Variants in SPATA6 observed in about 807,000 individuals in gnomAD.
SPATA6 encodes the protein spermatogenesis associated 6.
Under a neutral mutation model 65.3 loss-of-function variants are expected in SPATA6, and 56 were observed. The observed-to-expected ratio is 0.86, with a 90% confidence interval of 0.69 to 1.07. The LOEUF is 1.07. Among genes scored for constraint, SPATA6 ranks in the 50% least tolerant of loss-of-function variants. The pLI is 0.00. For missense variants in SPATA6, 590 were observed against 594.8 expected, an observed-to-expected ratio of 0.99 and a Z score of 0.08; for synonymous variants, 199 against 213.2, an observed-to-expected ratio of 0.93 and a Z score of 0.58.
the SPATA6 span, among the ~76,000 whole-genome samples, chr1:48,283,001 C>T: frequency 6.6e-6 from 1 of 151,886 alleles, no homozygotes; most frequent in Non-Finnish European, 1.5e-5. Flanking sequence ...TCCTATGCAG[C>T]CATAAAAAAT....
intron 11 of SPATA6, chr1:48,325,425 T>A: frequency 7.6e-7 from 1 of 1,310,998 alleles, no homozygotes; most frequent in Non-Finnish European, 1.1e-6. Context: ...CAGCTTCTTC[T>A]TGACTGGGAC....
the SPATA6 span, among the ~76,000 whole-genome samples, chr1:48,280,406 A>G: frequency 6.6e-6 from 1 of 152,178 alleles, no homozygotes; most frequent in Non-Finnish European, 1.5e-5. Context: ...TGTTTTTTTG[A>G]GAGAATCAAC....
At chr1:48,325,536 T>A in intron 11 of SPATA6, 1 of 1,185,926 alleles carries the variant, frequency 8.4e-7, no homozygotes. Flanking sequence ...CCGGGAGTTC[T>A]TCCTCTTCCT....
chr1:48,321,946 A>G (rs1457111082), intron 11 of SPATA6, among the ~76,000 whole-genome samples: 1 of 152,180 alleles, frequency 6.6e-6, no homozygotes, highest in Non-Finnish European at 1.5e-5. Context: ...GAAAATTTTA[A>G]AATTTCTTAA....
intron 9 of SPATA6, among the ~76,000 whole-genome samples, chr1:48,361,201 G>T (rs537103998): frequency 1.7e-4 from 26 of 152,180 alleles, no homozygotes; most frequent in African/African-American, 6.3e-4. Flanking sequence ...TGAAGAATTA[G>T]CCCTGGGAAT....
the SPATA6 span, among the ~76,000 whole-genome samples, chr1:48,273,606 C>T: frequency 7.9e-5 from 12 of 152,110 alleles, no homozygotes; most frequent in Admixed American, 7.2e-4. Flanking sequence ...GTTTTCTGTT[C>T]CTGTGTTAGT....
chr1:48,273,105 T>G, the SPATA6 span, among the ~76,000 whole-genome samples: 1 of 152,328 alleles, frequency 6.6e-6, no homozygotes, highest in African/African-American at 2.4e-5. Flanking sequence ...TACAGAAGCT[T>G]TTGAGTTGGG....
chr1:48,434,181 T>C (rs1654658946), intron 3 of SPATA6, among the ~76,000 whole-genome samples: 1 of 150,670 alleles, frequency 6.6e-6, no homozygotes, highest in Non-Finnish European at 1.5e-5. Context: ...AAGCATTTTA[T>C]GATATTTTGT....
At chr1:48,428,809 G>GTGTGTATA (rs144421737) in intron 3 of SPATA6, among the ~76,000 whole-genome samples, 8 of 137,666 alleles carry the variant, frequency 5.8e-5, no homozygotes, top group African/African-American at 1.4e-4. Context: ...GTGTGTGTGT[G>GTGTGTATA]TATATGTATA....
chr1:48,270,974 G>A, the SPATA6 span, among the ~76,000 whole-genome samples: 1 of 152,002 alleles, frequency 6.6e-6, no homozygotes, highest in African/African-American at 2.4e-5. Flanking sequence ...AGATTAAGTT[G>A]GTTGCATTTG....
chr1:48,340,241 T>TAA (rs58721253), intron 11 of SPATA6, among the ~76,000 whole-genome samples: 1 of 53,058 alleles, frequency 1.9e-5, no homozygotes, highest in Non-Finnish European at 2.9e-5. Context: ...AGGCCTGCAC[T>TAA]AAAAAAAAAA....
At chr1:48,344,587 C>T (rs907359430) in intron 11 of SPATA6, among the ~76,000 whole-genome samples, 6 of 152,078 alleles carry the variant, frequency 3.9e-5, no homozygotes, top group Admixed American at 3.9e-4. Flanking sequence ...GATAGGCAAG[C>T]TGGATAAAGA....
intron 9 of SPATA6, among the ~76,000 whole-genome samples, chr1:48,368,771 G>A (rs1028022580): frequency 3.3e-5 from 5 of 152,064 alleles, no homozygotes; most frequent in South Asian, 2.1e-4. Context: ...TAGTTTGATC[G>A]TCCGAAGACT....
At chr1:48,269,232 T>C in the SPATA6 span, among the ~76,000 whole-genome samples, 2 of 152,212 alleles carry the variant, frequency 1.3e-5, no homozygotes, top group Non-Finnish European at 2.9e-5. Context: ...TCCCAAGTAC[T>C]ATCTCTACTG....
the SPATA6 span, among the ~76,000 whole-genome samples, chr1:48,285,205 T>C: frequency 2.6e-5 from 4 of 152,114 alleles, no homozygotes; most frequent in South Asian, 8.3e-4. Flanking sequence ...AGTTCAAACT[T>C]CCCGGCAGCT....
At chr1:48,276,118 G>T in the SPATA6 span, among the ~76,000 whole-genome samples, 3 of 152,112 alleles carry the variant, frequency 2.0e-5, no homozygotes, top group African/African-American at 7.2e-5. Context: ...TAGTTTATTT[G>T]CATAGAGGTG....
At position 48,327,055 on chromosome 1, in the gene SPATA6, A is replaced by C. The variant is rs139473583; in HGVS notation, c.1195-21177T>G. Among the ~76,000 whole-genome samples the C allele has an allele frequency of 7.2e-4, 110 of 152,318 alleles. No individual in the cohort carries two copies. The East Asian group carries it at 0.02, about 28-fold the overall frequency. ...AACAAAATATATAATCAACATAGTA[A>C]ACAGACAACTTACATAGTAGGAGAA... On this transcript the variant is annotated intron_variant, in intron 11 of 12. Coordinates refer to ENST00000371847, the MANE Select transcript of SPATA6 (RefSeq NM_019073.4).
At chr1:48,463,931 T>C (rs1657628286) in intron 1 of SPATA6, among the ~76,000 whole-genome samples, 1 of 150,106 alleles carries the variant, frequency 6.7e-6, no homozygotes, top group African/African-American at 2.5e-5. Flanking sequence ...TAGGAATAGT[T>C]CAACATCAAA....
intron 5 of SPATA6, among the ~76,000 whole-genome samples, chr1:48,404,367 T>A (rs560851757): frequency 6.6e-6 from 1 of 152,094 alleles, no homozygotes; most frequent in Non-Finnish European, 1.5e-5. Context: ...TCAATTAATT[T>A]TTTTTCTTAG....
Sources: gnomAD v4.1 joint callset for allele counts (sites outside exome capture counted in the v4.1 genomes callset) on GRCh38, gnomAD v4.1.1 for gene constraint, MANE v1.5 for transcripts, NCBI Gene and HGNC (gene_info 2026-07-23, HGNC 2026-07-21) for gene names.